The following LINGO3 variants were observed in gnomAD, a reference collection of about 807,000 sequenced individuals.
LINGO3 encodes leucine rich repeat and Ig domain containing 3, also known as leucine-rich repeat and immunoglobulin-like domain-containing nogo receptor-interacting protein 3.
For synonymous variants in LINGO3, 427 were observed against 444.2 expected (o/e 0.96, Z 0.49); for missense variants, 750 against 867.7 (o/e 0.86, Z 1.70).
the LINGO3 span, among the ~76,000 whole-genome samples, chr19:2,299,165 A>T: frequency 6.6e-6 from 1 of 151,992 alleles, no homozygotes; most frequent in African/African-American, 2.4e-5. Flanking sequence ...TAGTTTTACA[A>T]CCCTGACTCC....
chr19:2,307,902 C>T, the LINGO3 span, among the ~76,000 whole-genome samples: 1 of 152,064 alleles, frequency 6.6e-6, no homozygotes, highest in Admixed American at 6.5e-5. Flanking sequence ...CCAGGGGGAG[C>T]GTCGGGGGCC....
At chr19:2,291,089 C>T in exon 1 of LINGO3, 1 of 1,609,810 alleles carries the variant, frequency 6.2e-7, no homozygotes, top group Non-Finnish European at 8.5e-7. Flanking sequence ...GGCCAGTTGT[C>T]AATCTCCAGG....
chr19:2,302,667 T>C, the LINGO3 span, among the ~76,000 whole-genome samples: 1 of 151,936 alleles, frequency 6.6e-6, no homozygotes, highest in Non-Finnish European at 1.5e-5. Context: ...GTCTCGGGAG[T>C]CTGGGGGAGC....
upstream of LINGO3, among the ~76,000 whole-genome samples, chr19:2,293,788 C>T (rs2025549011): frequency 1.3e-5 from 2 of 151,828 alleles, no homozygotes. Context: ...CGCGGTGGCT[C>T]ACGCCTGTAA....
chr19:2,304,004 CGAGT>C, the LINGO3 span, among the ~76,000 whole-genome samples: 1 of 152,186 alleles, frequency 6.6e-6, no homozygotes, highest in African/African-American at 2.4e-5. Flanking sequence ...CTGGGCTGAG[CGAGT>C]GAGAAGTCAG....
chr19:2,288,524 A>G (rs1383686023), downstream of LINGO3, among the ~76,000 whole-genome samples: 1 of 152,138 alleles, frequency 6.6e-6, no homozygotes, highest in African/African-American at 2.4e-5. This position sits in a 1 kb window ranked among gnomAD's most constrained non-coding sequence, Gnocchi z 6.5. Context: ...GCACCCCAGA[A>G]GCCATGGTTC....
At chr19:2,294,936 G>A (rs971778630), upstream of LINGO3, among the ~76,000 whole-genome samples, 1 of 151,976 alleles carries the variant, frequency 6.6e-6, no homozygotes, top group Non-Finnish European at 1.5e-5. This position sits in a 1 kb window ranked among gnomAD's most constrained non-coding sequence, Gnocchi z 4.3. Context: ...TGGCAGCTGA[G>A]CCCCCCTCGG....
chr19:2,302,281 G>A, the LINGO3 span, among the ~76,000 whole-genome samples: 3 of 152,094 alleles, frequency 2.0e-5, no homozygotes, highest in African/African-American at 4.8e-5. Flanking sequence ...GGATGGTCTC[G>A]AACTCCTGAC....
At chr19:2,295,266 C>T (rs1390458349), upstream of LINGO3, among the ~76,000 whole-genome samples, 4 of 152,106 alleles carry the variant, frequency 2.6e-5, no homozygotes, top group Non-Finnish European at 2.9e-5. Flanking sequence ...ACACAGGCAA[C>T]GGCCAAGTCA....
At chr19:2,301,386 C>T in the LINGO3 span, among the ~76,000 whole-genome samples, 1 of 151,522 alleles carries the variant, frequency 6.6e-6, no homozygotes, top group Non-Finnish European at 1.5e-5. Flanking sequence ...TCTACCCACT[C>T]CAAGCCAGGA....
chr19:2,292,742 C>G (rs7252541), upstream of LINGO3, among the ~76,000 whole-genome samples: 63,331 of 151,888 alleles, frequency 0.42, 17,265 homozygotes, highest in African/African-American at 0.74. Flanking sequence ...CACCTGCCTC[C>G]GCCTCCCAAA....
chr19:2,303,360 G>C, the LINGO3 span, among the ~76,000 whole-genome samples: 22 of 119,010 alleles, frequency 1.8e-4, no homozygotes, highest in African/African-American at 7.9e-4. Context: ...GAGCTGTGGG[G>C]GGGGGGGTCT....
chr19:2,302,118 A>G, the LINGO3 span, among the ~76,000 whole-genome samples: 2 of 134,448 alleles, frequency 1.5e-5, no homozygotes, highest in African/African-American at 5.7e-5. Flanking sequence ...CTGGAGTGCA[A>G]TGGTTCAATC....
chr19:2,301,445 C>A, the LINGO3 span, among the ~76,000 whole-genome samples: 44 of 152,212 alleles, frequency 2.9e-4, no homozygotes, highest in African/African-American at 1.1e-3. Context: ...GGACACGGCC[C>A]AGAGTCCCCG....
upstream of LINGO3, among the ~76,000 whole-genome samples, chr19:2,294,951 C>G (rs533810542): frequency 2.0e-3 from 302 of 152,176 alleles, 2 homozygotes; most frequent in African/African-American, 7.0e-3. This position sits in a 1 kb window ranked among gnomAD's most constrained non-coding sequence, Gnocchi z 4.3. Context: ...CCTCGGCATC[C>G]CCCCAGGCCC....
chr19:2,303,247 C>T, the LINGO3 span, among the ~76,000 whole-genome samples: 7 of 152,206 alleles, frequency 4.6e-5, no homozygotes, highest in Non-Finnish European at 7.3e-5. Context: ...GGACTGGCGT[C>T]TTTCCCCCAG....
At chr19:2,302,861 G>A in the LINGO3 span, among the ~76,000 whole-genome samples, 2 of 152,214 alleles carry the variant, frequency 1.3e-5, no homozygotes, top group Non-Finnish European at 1.5e-5. Flanking sequence ...GGTGGTCCCT[G>A]TGCTGGCCCC....
exon 1 of LINGO3, chr19:2,291,868 C>A: frequency 8.7e-7 from 1 of 1,150,398 alleles, no homozygotes; most frequent in Non-Finnish European, 1.2e-6. Flanking sequence ...GTTAGCACCC[C>A]TCCGCGGCGC....
chr19:2,298,842 GA>G, the LINGO3 span, among the ~76,000 whole-genome samples: 13 of 152,230 alleles, frequency 8.5e-5, 1 homozygote, highest in African/African-American at 3.1e-4. Context: ...CCCGGCCCAA[GA>G]AATTTTTTTT....
Sources: allele counts gnomAD v4.1 joint callset (sites outside exome capture counted in the v4.1 genomes callset), GRCh38; gene constraint gnomAD v4.1.1; non-coding constraint Gnocchi (gnomAD v3.1); transcripts MANE v1.5; gene names NCBI Gene and HGNC (gene_info 2026-07-23, HGNC 2026-07-21).